The following SPAG16 variants were observed in gnomAD, a reference collection of about 807,000 sequenced individuals.
SPAG16 encodes sperm associated antigen 16, also known as sperm-associated antigen 16 protein.
Under a neutral mutation model 80.4 loss-of-function variants are expected in SPAG16, and 86 were observed. The ratio of observed to expected loss-of-function variants is 1.07; its 90% CI spans 0.90 to 1.28. The LOEUF is 1.28. Ranked by LOEUF, SPAG16 falls within the 50% of genes most tolerant of loss-of-function variation. SPAG16 has a pLI of 0.00. For synonymous variants in SPAG16, 294 were observed against 265.9 expected, an observed-to-expected ratio of 1.11 and a Z score of -1.03; for missense variants, 870 against 765.3, an observed-to-expected ratio of 1.14 and a Z score of -1.61.
At chr2:213,830,195 C>A (rs1021965637) in intron 10 of SPAG16, among the ~76,000 whole-genome samples, 1 of 152,166 alleles carries the variant, frequency 6.6e-6, no homozygotes, top group Non-Finnish European at 1.5e-5. Flanking sequence ...AGTGGGATGG[C>A]AATTTCTCTG....
chr2:213,347,978 C>G (rs537839185), intron 6 of SPAG16, among the ~76,000 whole-genome samples: 2 of 152,248 alleles, frequency 1.3e-5, no homozygotes, highest in South Asian at 4.1e-4. Context: ...CTAATGTTGA[C>G]AGTGGGGTGT....
intron 15 of SPAG16, chr2:214,238,105 T>TAATGGACATTA: frequency 5.0e-6 from 2 of 396,244 alleles, no homozygotes; most frequent in South Asian, 3.7e-5. Context: ...TAACAACTTT[T>TAATGGACATTA]AATTAATCAT....
chr2:213,342,828 A>G (rs1374526327), intron 6 of SPAG16, among the ~76,000 whole-genome samples: 1 of 151,788 alleles, frequency 6.6e-6, no homozygotes, highest in Non-Finnish European at 1.5e-5. Flanking sequence ...CAGGACCGTG[A>G]TGCCTAAGAG....
intron 6 of SPAG16, among the ~76,000 whole-genome samples, chr2:213,346,331 G>A (rs561886900): frequency 3.8e-4 from 58 of 152,218 alleles, no homozygotes; most frequent in African/African-American, 1.2e-3. Context: ...CTGCAAGCAG[G>A]GACAATTTGA....
intron 15 of SPAG16, among the ~76,000 whole-genome samples, chr2:214,215,005 G>C (rs991197769): frequency 2.0e-5 from 3 of 151,598 alleles, no homozygotes; most frequent in Non-Finnish European, 4.4e-5. Context: ...CCAGTACAAT[G>C]GTTATATGGT....
chr2:213,812,863 A>G (rs2072260642), intron 10 of SPAG16, among the ~76,000 whole-genome samples: 1 of 151,080 alleles, frequency 6.6e-6, no homozygotes, highest in African/African-American at 2.4e-5. Flanking sequence ...TTCATATGTT[A>G]TCTTTTTTTT....
intron 9 of SPAG16, 37 bp from the exon 10 acceptor site, chr2:213,489,926 A>G (rs1318737337): frequency 6.5e-7 from 1 of 1,546,138 alleles, no homozygotes; most frequent in Non-Finnish European, 8.7e-7. Context: ...TGATTTTGAT[A>G]TTTAACACAG....
intron 10 of SPAG16, among the ~76,000 whole-genome samples, chr2:213,701,008 G>A (rs1183135511): frequency 2.0e-5 from 3 of 152,148 alleles, no homozygotes; most frequent in African/African-American, 7.2e-5. Flanking sequence ...TTGGGAGGCT[G>A]AGGCAGGCGG....
intron 15 of SPAG16, among the ~76,000 whole-genome samples, chr2:214,219,788 C>G (rs552886019): frequency 1.3e-5 from 2 of 152,208 alleles, no homozygotes; most frequent in African/African-American, 4.8e-5. Flanking sequence ...CAAATTTGCT[C>G]TCACTGAAAT....
chr2:214,246,490 G>C (rs1293017311), intron 15 of SPAG16, among the ~76,000 whole-genome samples: 1 of 152,054 alleles, frequency 6.6e-6, no homozygotes, highest in East Asian at 1.9e-4. Context: ...AAGTAATCAA[G>C]GCTTTGTATA....
chr2:213,456,777 A>G (rs994231667), intron 9 of SPAG16, among the ~76,000 whole-genome samples: 1 of 151,988 alleles, frequency 6.6e-6, no homozygotes, highest in Non-Finnish European at 1.5e-5. Context: ...TGCTTCATGA[A>G]TATTTTGTGA....
intron 11 of SPAG16, among the ~76,000 whole-genome samples, chr2:213,886,157 T>C (rs1182671596): frequency 6.6e-6 from 1 of 152,110 alleles, no homozygotes; most frequent in Non-Finnish European, 1.5e-5. Context: ...TCTGTCAGGA[T>C]TGGAATCTTA....
At chr2:213,313,809 A>T (rs2063299055) in intron 4 of SPAG16, among the ~76,000 whole-genome samples, 1 of 151,816 alleles carries the variant, frequency 6.6e-6, no homozygotes, top group Non-Finnish European at 1.5e-5. Context: ...GTTCTAAGTG[A>T]TAGTCGCGAT....
chr2:214,406,338 C>T (rs1299756160), intron 15 of SPAG16, among the ~76,000 whole-genome samples: 1 of 152,036 alleles, frequency 6.6e-6, no homozygotes, highest in Non-Finnish European at 1.5e-5. Context: ...GAAAAAGTGT[C>T]AATATTACAC....
At chr2:214,282,606 A>G (rs1240681879) in intron 15 of SPAG16, among the ~76,000 whole-genome samples, 4 of 152,152 alleles carry the variant, frequency 2.6e-5, no homozygotes, top group Admixed American at 2.6e-4. Context: ...TTTGACTAAG[A>G]TTTTAAAGAA....
rs183964240 is a variant in SPAG16 at position 213,297,826 on chromosome 2, A to G, written c.279+469A>G. Among the ~76,000 whole-genome samples, 636 of 152,306 alleles carry G rather than the reference A, an allele frequency of 4.2e-3. 6 individuals are homozygous for G. The highest frequency in any genetic ancestry group is 5.0e-3 in the Non-Finnish European group (340 of 67,992). ...GGGGATGTTTTTTGATTATAATACA[A>G]TGAACTAAAAGTGCATAAAACTGAT... On this transcript the variant is annotated intron_variant, in intron 3 of 15. Coordinates refer to ENST00000331683, the MANE Select transcript of SPAG16 (RefSeq NM_024532.5).
intron 10 of SPAG16, among the ~76,000 whole-genome samples, chr2:213,506,477 A>G (rs942253983): frequency 2.0e-5 from 3 of 152,198 alleles, no homozygotes; most frequent in Non-Finnish European, 4.4e-5. Flanking sequence ...TAAAGTAAAA[A>G]GAATTTCTGT....
rs922760359 is a variant in SPAG16 at position 213,515,511 on chromosome 2, G to A, written c.1070+25421G>A. Among the ~76,000 whole-genome samples the A allele has an allele frequency of 3.3e-5, 5 of 152,240 alleles. No homozygotes were observed. The East Asian group carries it at 5.8e-4, about 18-fold the overall frequency. On this transcript the variant is annotated intron_variant, in intron 10 of 15. Transcript: ENST00000331683. ...TCCCTGATGCGAGCATAAAGTATGT[G>A]AGTAAAAAATGTTTTTGAAATATTA...
chr2:213,658,800 A>C (rs530589274), intron 10 of SPAG16, among the ~76,000 whole-genome samples: 2 of 152,194 alleles, frequency 1.3e-5, no homozygotes, highest in Admixed American at 1.3e-4. Flanking sequence ...GCACTTTAGG[A>C]GGCCAAGGTG....
Sources: gnomAD v4.1 joint callset for allele counts (sites outside exome capture counted in the v4.1 genomes callset) on GRCh38, gnomAD v4.1.1 for gene constraint, MANE v1.5 for transcripts, NCBI Gene and HGNC (gene_info 2026-07-23, HGNC 2026-07-21) for gene names.